Variants in NCOA5 observed in about 807,000 individuals in gnomAD.
The protein encoded by NCOA5 is NCoA-5.
NCOA5 carries 12 observed loss-of-function variants against 59.0 expected under a neutral mutation model. That is an observed-to-expected ratio of 0.20 (90% confidence interval 0.13 to 0.33). The LOEUF (loss-of-function observed/expected upper bound fraction) is 0.33, where lower values mean the gene tolerates loss of function less well. NCOA5 is among the 10% of genes least tolerant of loss of function. NCOA5 has a pLI of 1.00. For synonymous variants in NCOA5, 270 were observed against 275.5 expected (o/e 0.98, Z 0.20); for missense variants, 655 against 766.6 (o/e 0.85, Z 1.72).
intron 2 of NCOA5, among the ~76,000 whole-genome samples, chr20:46,072,962 T>C (rs185924041): frequency 3.0e-4 from 45 of 152,362 alleles, no homozygotes; most frequent in African/African-American, 9.6e-4. Context: ...TATATGTATG[T>C]TGAATGAATC....
chr20:46,069,297 T>C (rs2084856956), intron 3 of NCOA5, among the ~76,000 whole-genome samples: 1 of 152,258 alleles, frequency 6.6e-6, no homozygotes, highest in African/African-American at 2.4e-5. Context: ...TTCTTGATAT[T>C]TCACATAAAG....
intron 2 of NCOA5, among the ~76,000 whole-genome samples, chr20:46,078,786 CG>C (rs767593820): frequency 1.3e-5 from 2 of 151,994 alleles, no homozygotes; most frequent in Non-Finnish European, 2.9e-5. Context: ...TTGTATACAC[CG>C]GAAGGAAGAA....
chr20:46,079,307 G>A, intron 2 of NCOA5, 80 bp downstream of exon 2: 1 of 1,355,550 alleles, frequency 7.4e-7, no homozygotes, highest in South Asian at 1.2e-5. Context: ...GGGAAGAAAA[G>A]ACCTTTGGTG....
Position 46,063,671 on chromosome 20 carries a change from T to C in NCOA5, c.839A>G (p.Asn280Ser), listed in dbSNP as rs762923027. Residue 280 changes from asparagine to serine, a missense_variant, in exon 7 of 8, where the codon AAC (asparagine) becomes AGC (serine). This residue lies in a region of NCOA5 where 80 missense variants were observed against 153.3 expected (regional missense o/e 0.52). Coordinates refer to ENST00000290231, the MANE Select transcript of NCOA5 (RefSeq NM_020967.3). ...IMFGTPQEHR[N>S]MPQADAMVLV... ...CACCATGGCATCTGCTTGGGGCATG[T>C]TGCGATGCTCTGTAGGAGGAAATGA... 2 of 1,613,720 alleles carry C rather than the reference T, an allele frequency of 1.2e-6. No individual in the cohort carries two copies. The highest frequency in any genetic ancestry group is 1.7e-6 in the Non-Finnish European group (2 of 1,179,888).
At chr20:46,088,053 G>A (rs2085062528) in intron 1 of NCOA5, among the ~76,000 whole-genome samples, 1 of 152,082 alleles carries the variant, frequency 6.6e-6, no homozygotes, top group African/African-American at 2.4e-5. Context: ...GAATAAGCCT[G>A]AACTGACTTA....
At position 46,070,536 on chromosome 20, in the gene NCOA5, C is replaced by T; in HGVS notation, c.39G>A (p.Arg13=). ...TAPSRPSPTR[R]DPYGFGDSRD... ...GACTGTCTCCAAAGCCATATGGATCCCTGTGGGAGGTAGCAAGAAAATGCT... is the reference window on the plus strand; with the variant it reads ...GACTGTCTCCAAAGCCATATGGATCTCTGTGGGAGGTAGCAAGAAAATGCT... The change falls in exon 3 of 8, where the codon AGG becomes AGA. Residue 13 remains arginine, a splice_region_variant and synonymous_variant. Coordinates refer to ENST00000290231, the MANE Select transcript of NCOA5 (RefSeq NM_020967.3). The T allele has an allele frequency of 6.2e-7, 1 of 1,609,772 alleles. No individual in the cohort carries two copies. Among genetic ancestry groups the T allele is most frequent in the African/African-American group, 1.3e-5 (1 of 74,702 alleles).
At chr20:46,068,449 C>G in intron 4 of NCOA5, 53 bp downstream of exon 4, 1 of 1,551,982 alleles carries the variant, frequency 6.4e-7, no homozygotes, top group Non-Finnish European at 8.7e-7. Context: ...TTTCCTCTCT[C>G]TTTTGTAAAG....
At chr20:46,072,520 A>G (rs1264590855) in intron 2 of NCOA5, among the ~76,000 whole-genome samples, 5 of 152,098 alleles carry the variant, frequency 3.3e-5, no homozygotes. Flanking sequence ...TTAGAATTCA[A>G]TCTACAACCT....
chr20:46,070,076 C>T (rs1380860949), intron 3 of NCOA5, 134 bp downstream of exon 3: 4 of 679,280 alleles, frequency 5.9e-6, no homozygotes, highest in African/African-American at 5.4e-5. Context: ...TGAGCAGCAG[C>T]ACATCTATCA....
intron 1 of NCOA5, among the ~76,000 whole-genome samples, chr20:46,083,214 C>T (rs540762379): frequency 3.3e-5 from 5 of 152,266 alleles, no homozygotes; most frequent in East Asian, 1.9e-4. Flanking sequence ...TGAAGTTCCA[C>T]GCTATCAAGC....
intron 2 of NCOA5, among the ~76,000 whole-genome samples, chr20:46,075,113 T>G (rs2084923465): frequency 6.6e-6 from 1 of 152,166 alleles, no homozygotes; most frequent in Admixed American, 6.5e-5. Context: ...CTGTTAGAAA[T>G]GGAGACAACA....
At chr20:46,064,625 A>G (rs914547735) in intron 6 of NCOA5, among the ~76,000 whole-genome samples, 1 of 152,222 alleles carries the variant, frequency 6.6e-6, no homozygotes, top group Non-Finnish European at 1.5e-5. Context: ...GGTGTGCTGG[A>G]GCCAGATCTC....
chr20:46,078,416 G>A (rs1010353247), intron 2 of NCOA5, among the ~76,000 whole-genome samples: 3 of 152,228 alleles, frequency 2.0e-5, no homozygotes, highest in African/African-American at 2.4e-5. Flanking sequence ...CAGTACAGAC[G>A]AGGATTCACT....
At chr20:46,076,042 A>G (rs376488148) in intron 2 of NCOA5, among the ~76,000 whole-genome samples, 2 of 152,312 alleles carry the variant, frequency 1.3e-5, no homozygotes, top group Admixed American at 6.5e-5. Context: ...TAATCCTGTA[A>G]AACTCCCAAA....
At chr20:46,089,420 G>GC in intron 1 of NCOA5, among the ~76,000 whole-genome samples, 1 of 152,350 alleles carries the variant, frequency 6.6e-6, no homozygotes, top group African/African-American at 2.4e-5. Flanking sequence ...AATCCCGACT[G>GC]CGCCACTGAC....
chr20:46,070,672 AT>A lies in NCOA5; in HGVS notation c.39-137del, dbSNP rs1426924165. ...GCAGCCAAACAGAACATGACTCAAC[AT>A]TTAAGGCCAGTCATCCATCTGGTCA... On this transcript the variant is annotated intron_variant, in intron 2 of 7. Transcript: ENST00000290231. 6.8e-6 allele frequency: 5 copies of A among 736,632 alleles called. No individual in the cohort carries two copies. The African/African-American group carries it at 7.1e-5, about 10-fold the overall frequency. 45.6% of individuals were successfully genotyped at this position (736,632 alleles called of 1,614,324 possible). A position where few individuals can be genotyped will look rare whatever the true frequency, so the allele number is the denominator to read the frequency against.
intron 2 of NCOA5, among the ~76,000 whole-genome samples, chr20:46,077,706 T>C (rs550390585): frequency 6.6e-6 from 1 of 152,158 alleles, no homozygotes; most frequent in East Asian, 1.9e-4. Context: ...TCTTTGGAAA[T>C]TGGATACACA....
chr20:46,070,683 G>A (rs577486766), intron 2 of NCOA5, 147 bp from the exon 3 acceptor site: 5 of 700,738 alleles, frequency 7.1e-6, no homozygotes, highest in African/African-American at 5.4e-5. Flanking sequence ...TTTAAGGCCA[G>A]TCATCCATCT....
chr20:46,083,247 C>T (rs1273490707), intron 1 of NCOA5, among the ~76,000 whole-genome samples: 2 of 152,148 alleles, frequency 1.3e-5, no homozygotes, highest in Non-Finnish European at 2.9e-5. Flanking sequence ...CTTTTCCTGA[C>T]GTTCTGCGAA....
Sources: gnomAD v4.1 joint callset for allele counts (sites outside exome capture counted in the v4.1 genomes callset) on GRCh38, gnomAD v4.1.1 for gene constraint, gnomAD v4.1.1 regional missense constraint, MANE v1.5 for transcripts, NCBI Gene and HGNC (gene_info 2026-07-23, HGNC 2026-07-21) for gene names.